Variants in TBC1D5 observed in about 807,000 individuals in gnomAD.
The protein encoded by TBC1D5 is TBC1 domain family member 5.
TBC1D5 carries 75 observed loss-of-function variants against 100.3 expected under a neutral mutation model. That is an observed-to-expected ratio of 0.75 (90% CI 0.62 to 0.91). TBC1D5 has a LOEUF of 0.91. Among genes scored for constraint, TBC1D5 ranks in the 40% least tolerant of loss-of-function variants. The pLI, the probability that TBC1D5 is intolerant of heterozygous loss-of-function variation, is 0.00. For missense variants in TBC1D5, 910 were observed against 942.4 expected (o/e 0.97, Z 0.45); for synonymous variants, 323 against 325.6 (o/e 0.99, Z 0.09).
At chr3:17,285,718 T>C (rs1468985064) in intron 15 of TBC1D5, among the ~76,000 whole-genome samples, 1 of 152,214 alleles carries the variant, frequency 6.6e-6, no homozygotes, top group Non-Finnish European at 1.5e-5. Flanking sequence ...TATTTGATAT[T>C]GACAAAAATG....
chr3:17,178,861 T>G (rs2125388990), intron 19 of TBC1D5, among the ~76,000 whole-genome samples: 1 of 152,084 alleles, frequency 6.6e-6, no homozygotes, highest in Admixed American at 6.5e-5. Flanking sequence ...TCTAGACTGG[T>G]CTTGAACTCC....
intron 14 of TBC1D5, 126 bp from the exon 15 acceptor site, chr3:17,292,127 AG>A (rs771524117): frequency 6.5e-6 from 5 of 769,990 alleles, no homozygotes; most frequent in Non-Finnish European, 1.0e-5. Flanking sequence ...ATTTGATAAA[AG>A]GGAGTAGGAA....
chr3:17,514,751 AC>A (rs2095961214), intron 2 of TBC1D5, among the ~76,000 whole-genome samples: 1 of 152,190 alleles, frequency 6.6e-6, no homozygotes, highest in Non-Finnish European at 1.5e-5. Flanking sequence ...AAAACTGAGC[AC>A]TATAAAAGTC....
At chr3:17,236,623 C>G (rs182615243) in intron 17 of TBC1D5, among the ~76,000 whole-genome samples, 1 of 151,914 alleles carries the variant, frequency 6.6e-6, no homozygotes, top group South Asian at 2.1e-4. Flanking sequence ...GTAGCTGGGA[C>G]TACCGGCATG....
At chr3:17,282,213 C>A (rs577953367) in intron 15 of TBC1D5, among the ~76,000 whole-genome samples, 10 of 152,084 alleles carry the variant, frequency 6.6e-5, no homozygotes, top group African/African-American at 1.9e-4. Context: ...AGCAAGTCGG[C>A]GGTAAAGGAG....
chr3:17,226,819 C>T (rs2074953239), intron 17 of TBC1D5, among the ~76,000 whole-genome samples: 1 of 152,114 alleles, frequency 6.6e-6, no homozygotes, highest in South Asian at 2.1e-4. Context: ...TGACCCATGA[C>T]ATTTATTTAA....
intron 2 of TBC1D5, among the ~76,000 whole-genome samples, chr3:17,530,427 C>T (rs1274782322): frequency 6.6e-6 from 1 of 151,844 alleles, no homozygotes; most frequent in Non-Finnish European, 1.5e-5. Context: ...AGGGAGTGAC[C>T]ATAATTTAGA....
chr3:17,495,852 T>C (rs1215811854), intron 3 of TBC1D5, among the ~76,000 whole-genome samples: 1 of 152,244 alleles, frequency 6.6e-6, no homozygotes, highest in Non-Finnish European at 1.5e-5. Context: ...TGACCTACTT[T>C]ATGATGTTCA....
intron 4 of TBC1D5, among the ~76,000 whole-genome samples, chr3:17,426,724 C>A (rs1468620589): frequency 6.6e-6 from 1 of 151,848 alleles, no homozygotes; most frequent in Non-Finnish European, 1.5e-5. Context: ...AACAAAAAAA[C>A]CCACAAGATA....
At chr3:17,481,527 C>T (rs1265030754) in intron 3 of TBC1D5, among the ~76,000 whole-genome samples, 1 of 152,206 alleles carries the variant, frequency 6.6e-6, no homozygotes, top group Non-Finnish European at 1.5e-5. Flanking sequence ...TGCACTCCAG[C>T]CTGGGCCACA....
At chr3:17,256,273 T>C (rs1409759133) in intron 16 of TBC1D5, among the ~76,000 whole-genome samples, 1 of 151,958 alleles carries the variant, frequency 6.6e-6, no homozygotes, top group Admixed American at 6.5e-5. Context: ...TCTGCTTCAA[T>C]TACTACATTT....
At chr3:17,214,826 T>C (rs980186578) in intron 17 of TBC1D5, among the ~76,000 whole-genome samples, 4 of 151,992 alleles carry the variant, frequency 2.6e-5, no homozygotes, top group Non-Finnish European at 5.9e-5. Flanking sequence ...TTCCCTCTGG[T>C]AAGGGAAAGT....
intron 2 of TBC1D5, among the ~76,000 whole-genome samples, chr3:17,609,935 C>G (rs1267076294): frequency 6.6e-6 from 1 of 152,224 alleles, no homozygotes; most frequent in African/African-American, 2.4e-5. Context: ...AAACAAACAA[C>G]TCATTATCTT....
At chr3:17,174,333 G>A (rs1404194701) in intron 19 of TBC1D5, among the ~76,000 whole-genome samples, 2 of 152,112 alleles carry the variant, frequency 1.3e-5, no homozygotes, top group Non-Finnish European at 2.9e-5. Flanking sequence ...TAAATATGGT[G>A]CTCTATTCAA....
intron 4 of TBC1D5, among the ~76,000 whole-genome samples, chr3:17,413,298 T>A (rs900620454): frequency 1.3e-5 from 2 of 152,156 alleles, no homozygotes; most frequent in African/African-American, 4.8e-5. Context: ...GGTGTGCTCC[T>A]CAGGAAACAA....
intron 3 of TBC1D5, among the ~76,000 whole-genome samples, chr3:17,456,486 G>C (rs2095087894): frequency 6.6e-6 from 1 of 152,148 alleles, no homozygotes; most frequent in Non-Finnish European, 1.5e-5. Context: ...CAATATGGGT[G>C]AAAGATTTGA....
chr3:17,699,463 C>G (rs1275958582), intron 1 of TBC1D5, among the ~76,000 whole-genome samples: 1 of 140,976 alleles, frequency 7.1e-6, no homozygotes, highest in Non-Finnish European at 1.5e-5. Flanking sequence ...TTAGTGGGTG[C>G]AGCGCACCAG....
intron 2 of TBC1D5, among the ~76,000 whole-genome samples, chr3:17,594,067 T>A (rs1363040277): frequency 6.6e-6 from 1 of 152,056 alleles, no homozygotes; most frequent in African/African-American, 2.4e-5. Flanking sequence ...GTTCCAGAGG[T>A]AGGAACGATG....
intron 2 of TBC1D5, among the ~76,000 whole-genome samples, chr3:17,532,366 G>A (rs2096238483): frequency 6.6e-6 from 1 of 152,156 alleles, no homozygotes; most frequent in South Asian, 2.1e-4. Context: ...AGAGAAACAG[G>A]AACACTTTTA....
Sources: allele counts gnomAD v4.1 joint callset (sites outside exome capture counted in the v4.1 genomes callset), GRCh38; gene constraint gnomAD v4.1.1; transcripts MANE v1.5; gene names NCBI Gene and HGNC (gene_info 2026-07-23, HGNC 2026-07-21).